USP34: variants seen among roughly 807,000 people sequenced by gnomAD.
USP34 encodes ubiquitin carboxyl-terminal hydrolase 34.
Under a neutral mutation model 460.3 loss-of-function variants are expected in USP34, and 70 were observed. The observed-to-expected ratio is 0.15, with a 90% CI of 0.13 to 0.19. The LOEUF (loss-of-function observed/expected upper bound fraction) is 0.19. Among genes scored for constraint, USP34 ranks in the 10% least tolerant of loss-of-function variants. The pLI, the probability that USP34 is intolerant of heterozygous loss-of-function variation, is 1.00. For missense variants in USP34, 3,985 were observed against 4,236.2 expected (o/e 0.94, Z 1.65); for synonymous variants, 1,647 against 1,405.3 (o/e 1.17, Z -3.85).
At chr2:61,239,508 G>A (rs1274158525) in intron 53 of USP34, among the ~76,000 whole-genome samples, 1 of 151,878 alleles carries the variant, frequency 6.6e-6, no homozygotes, top group Non-Finnish European at 1.5e-5. Context: ...ATATCTTTAG[G>A]GCAAAAGGCT....
intron 14 of USP34, 106 bp from the exon 15 acceptor site, chr2:61,348,586 T>C: frequency 2.0e-6 from 3 of 1,465,752 alleles, no homozygotes; most frequent in Admixed American, 2.3e-5. Context: ...AGTCTTGTTA[T>C]ACTCCTTTGA....
chr2:61,346,911 G>A (rs368783032), intron 15 of USP34, among the ~76,000 whole-genome samples: 1 of 151,542 alleles, frequency 6.6e-6, no homozygotes. Context: ...GCCGAGGCGG[G>A]CAGATCATCT....
Position 61,208,987 on chromosome 2 carries a change from A to G in USP34, c.8841-10T>C. ...TAGTATTCTGAAGGCACTAGAAGAA[A>G]ACATAAAGTTCAGTTTGAGAAGTCT... On this transcript the variant is annotated splice_polypyrimidine_tract_variant and intron_variant, in intron 69 of 79. Coordinates refer to ENST00000398571, the MANE Select transcript of USP34 (RefSeq NM_014709.4). 6.5e-7 allele frequency: 1 copy of G among 1,548,862 alleles called. No homozygotes were observed. The highest frequency in any genetic ancestry group is 8.7e-7 in the Non-Finnish European group (1 of 1,144,516).
chr2:61,280,690 G>C (rs188450275), intron 38 of USP34, among the ~76,000 whole-genome samples: 19 of 152,246 alleles, frequency 1.2e-4, no homozygotes, highest in Non-Finnish European at 2.2e-4. Context: ...GCCTTTTAAA[G>C]ACTAGTATAT....
At chr2:61,368,579 C>A (rs1266190912) in intron 10 of USP34, among the ~76,000 whole-genome samples, 2 of 151,916 alleles carry the variant, frequency 1.3e-5, no homozygotes, top group African/African-American at 4.8e-5. Context: ...AAAAAATTAC[C>A]CAGTCAAGAA....
At chr2:61,248,779 C>CA in intron 48 of USP34, 96 bp from the exon 49 acceptor site, 4 of 1,211,754 alleles carry the variant, frequency 3.3e-6, no homozygotes. Context: ...ATTTTCAACT[C>CA]AGAGTTAAGA....
In USP34 at chr2:61,275,047, C is replaced by G. The variant is rs187438216; in HGVS notation, c.5433+3118G>C. On this transcript the variant is annotated intron_variant, in intron 41 of 79. Coordinates refer to ENST00000398571, the MANE Select transcript of USP34 (RefSeq NM_014709.4). ...ATCCTGGCACATTAGGAGGCCAAGG[C>G]AGAAGGACTGCTTGAGCCCAGGAGT... Among the ~76,000 whole-genome samples, 117 of 152,230 alleles carry G rather than the reference C, an allele frequency of 7.7e-4. 1 individual carries two copies. The highest frequency in any genetic ancestry group is 2.5e-3 in the African/African-American group (105 of 41,546).
At chr2:61,300,243 G>T (rs1422018750) in intron 29 of USP34, among the ~76,000 whole-genome samples, 1 of 152,044 alleles carries the variant, frequency 6.6e-6, no homozygotes, top group Non-Finnish European at 1.5e-5. Flanking sequence ...TGACGCAAAA[G>T]GTTTACATTA....
chr2:61,418,245 A>C (rs987466227), intron 2 of USP34, among the ~76,000 whole-genome samples: 2 of 151,530 alleles, frequency 1.3e-5, no homozygotes, highest in Non-Finnish European at 2.9e-5. Flanking sequence ...ACGCCTGGCT[A>C]ATTTTTGTAT....
At position 61,204,307 on chromosome 2, in the gene USP34, C is replaced by T. The variant is rs373022296; in HGVS notation, c.9333G>A (p.Pro3111=). 43 of 1,613,992 alleles carry T rather than the reference C, an allele frequency of 2.7e-5. No homozygotes were observed. The highest frequency in any genetic ancestry group is 6.7e-5 in the Admixed American group (4 of 60,002). ...LIGGKSNIRP[P]RPELNMCLLP... Reference sequence around the variant, plus strand: ...AGAGGCACATATTGAGTTCAGGGCGCGGAGGCCGAATATTGCTTTTCCCTC... The same window carrying T: ...AGAGGCACATATTGAGTTCAGGGCGTGGAGGCCGAATATTGCTTTTCCCTC... Residue 3111 remains proline, a synonymous_variant, in exon 74 of 80, where the codon CCG becomes CCA. Coordinates refer to ENST00000398571, the MANE Select transcript of USP34 (RefSeq NM_014709.4).
intron 75 of USP34, among the ~76,000 whole-genome samples, chr2:61,201,463 T>G (rs1427249286): frequency 6.6e-6 from 1 of 152,172 alleles, no homozygotes; most frequent in Non-Finnish European, 1.5e-5. Flanking sequence ...TCCGCCCGCC[T>G]TGGCCTCCCA....
intron 12 of USP34, among the ~76,000 whole-genome samples, chr2:61,349,864 ACAAC>A (rs753304182): frequency 6.6e-6 from 1 of 150,814 alleles, no homozygotes; most frequent in African/African-American, 2.4e-5. Flanking sequence ...AACAACAACA[ACAAC>A]AAAAAAACCC....
At chr2:61,421,882 A>G (rs916855828) in intron 1 of USP34, among the ~76,000 whole-genome samples, 4 of 152,200 alleles carry the variant, frequency 2.6e-5, no homozygotes, top group South Asian at 2.1e-4. Context: ...AGCTCCAGAA[A>G]TGCTGGTAAG....
At chr2:61,264,824 G>C (rs974433708) in intron 43 of USP34, among the ~76,000 whole-genome samples, 2 of 152,110 alleles carry the variant, frequency 1.3e-5, no homozygotes, top group Non-Finnish European at 2.9e-5. Context: ...AGGAGTTGGA[G>C]ACCAGCCTGG....
At chr2:61,234,428 A>C (rs1688003855) in intron 57 of USP34, among the ~76,000 whole-genome samples, 2 of 152,172 alleles carry the variant, frequency 1.3e-5, no homozygotes, top group South Asian at 2.1e-4. Flanking sequence ...GCACCTCTTA[A>C]AATAGGGGAT....
At chr2:61,448,949 G>T (rs1695193330) in intron 1 of USP34, among the ~76,000 whole-genome samples, 1 of 152,204 alleles carries the variant, frequency 6.6e-6, no homozygotes, top group South Asian at 2.1e-4. Context: ...GAGGTTGGGA[G>T]TTCGAGACCA....
chr2:61,428,842 A>G (rs1488321278), intron 1 of USP34, among the ~76,000 whole-genome samples: 1 of 152,218 alleles, frequency 6.6e-6, no homozygotes, highest in Non-Finnish European at 1.5e-5. Context: ...AGAATTATGT[A>G]TTGAAACAGT....
chr2:61,368,388 C>T (rs941140741), intron 10 of USP34, among the ~76,000 whole-genome samples: 3 of 151,504 alleles, frequency 2.0e-5, no homozygotes, highest in Admixed American at 6.6e-5. Flanking sequence ...GCCAAGATCA[C>T]GCCACTGCAC....
chr2:61,276,802 G>T (rs181033540), intron 41 of USP34, among the ~76,000 whole-genome samples: 1 of 152,286 alleles, frequency 6.6e-6, no homozygotes, highest in East Asian at 1.9e-4. Flanking sequence ...TTGTGCATTA[G>T]GGGAAGTAGC....
Sources: allele counts gnomAD v4.1 joint callset (sites outside exome capture counted in the v4.1 genomes callset), GRCh38; gene constraint gnomAD v4.1.1; transcripts MANE v1.5; gene names NCBI Gene and HGNC (gene_info 2026-07-23, HGNC 2026-07-21).